The following RABL6 variants were observed in gnomAD, a reference collection of about 807,000 sequenced individuals.
The protein encoded by RABL6 is rab-like protein 6.
RABL6 carries 28 observed loss-of-function variants against 72.9 expected under a neutral mutation model. That is an observed-to-expected ratio of 0.38 (90% CI 0.28 to 0.53). The LOEUF (loss-of-function observed/expected upper bound fraction) is 0.53, where lower values mean the gene tolerates loss of function less well. Ranked by LOEUF, RABL6 falls within the 20% of genes least tolerant of loss-of-function variation. The pLI is 0.80. For missense variants in RABL6, 1,029 were observed against 1,008.4 expected (o/e 1.02, Z -0.28); for synonymous variants, 477 against 421.2 (o/e 1.13, Z -1.62).
chr9:136,826,686 C>T lies in RABL6; in HGVS notation c.313+860C>T, dbSNP rs1247597418. 6.6e-6 allele frequency: 1 copy of T among 152,322 alleles called. No individual in the cohort carries two copies. The highest frequency in any genetic ancestry group is 1.9e-4 in the East Asian group (1 of 5,160). 9.4% of individuals were successfully genotyped at this position (152,322 alleles called of 1,614,324 possible). A position where few individuals can be genotyped will look rare whatever the true frequency, so the allele number is the denominator to read the frequency against. On this transcript the variant is annotated intron_variant, in intron 3 of 14. Coordinates refer to ENST00000311502, the MANE Select transcript of RABL6 (RefSeq NM_024718.5). This position sits in a 1 kb window ranked among gnomAD's most constrained non-coding sequence, Gnocchi z 4.9. ...GCTGACCTGGTGTTCCAGATGCTGT[C>T]TCTGCAGAGCTCTGCGTGGTCTCTG...
In RABL6 at chr9:136,811,345, C is replaced by T. The variant is rs184485162; in HGVS notation, c.130+3019C>T. ...AAAAATTGTGTTTTTTTGCCGGGCG[C>T]GGTGGCTCACGCCTGTAATCTCAGC... On this transcript the variant is annotated intron_variant, in intron 1 of 14. Coordinates refer to ENST00000311502, the MANE Select transcript of RABL6 (RefSeq NM_024718.5). Among the ~76,000 whole-genome samples, 100 of 152,144 alleles carry T rather than the reference C, an allele frequency of 6.6e-4. No individual in the cohort carries two copies. In the East Asian group the frequency reaches 0.014, roughly 22 times the overall value.
chr9:136,836,167 T>C (rs1848581655), intron 8 of RABL6: 3 of 295,650 alleles, frequency 1.0e-5, no homozygotes, highest in Non-Finnish European at 1.9e-5. Flanking sequence ...CCCAGATTGA[T>C]GCCAGCATGG....
intron 10 of RABL6, among the ~76,000 whole-genome samples, chr9:136,838,341 G>A (rs1041942192): frequency 2.0e-5 from 3 of 152,200 alleles, no homozygotes; most frequent in African/African-American, 7.2e-5. Flanking sequence ...CACCAGATGT[G>A]GTCTCCACAG....
intron 1 of RABL6, 140 bp downstream of exon 1, chr9:136,808,466 G>A (rs1454471163): frequency 2.1e-6 from 2 of 948,030 alleles, no homozygotes; most frequent in Admixed American, 9.2e-5. Context: ...CGCTCCGGGA[G>A]CGGGGGCGCG....
rs1197409184 is a variant in RABL6, at chr9:136,837,448, A to G, written c.912A>G (p.Ala304=). ...GCTCCCAGTCACCAGTGGTGCCTGC[A>G]GGCGCTGTGTCCACGGGGAGCTCCA... ...SPGSQSPVVP[A]GAVSTGSSSP... The change falls in exon 9 of 15, where the codon GCA becomes GCG. Residue 304 remains alanine, a synonymous_variant. Transcript: ENST00000311502. 1 of 1,569,032 alleles carries G rather than the reference A, an allele frequency of 6.4e-7. No individual in the cohort carries two copies.
chr9:136,828,371 T>C (rs919878322), intron 3 of RABL6, 123 bp from the exon 4 acceptor site: 8 of 927,010 alleles, frequency 8.6e-6, no homozygotes, highest in Non-Finnish European at 1.4e-5. Flanking sequence ...GCAGGCTGTT[T>C]GGGGTGGTGG....
chr9:136,808,342 C>T lies in RABL6; in HGVS notation c.130+16C>T. The stretch of plus-strand genomic sequence containing the variant: ...CAGTACAACAGTGAGTGCGGCGGGC[C>T]GGGGGGGCGCGGGAGCGCCGCGCGG... On this transcript the variant is annotated intron_variant, in intron 1 of 14. Transcript: ENST00000311502. 1 of 1,493,030 alleles carries T rather than the reference C, an allele frequency of 6.7e-7. No homozygotes were observed. The highest frequency in any genetic ancestry group is 8.9e-7 in the Non-Finnish European group (1 of 1,122,222). The allele number at this position is 1,493,030 out of a possible 1,614,324, so 92.5% of individuals were successfully genotyped here. A position where few individuals can be genotyped will look rare whatever the true frequency, so the allele number is the denominator to read the frequency against.
chr9:136,837,207 A>T, intron 8 of RABL6, 139 bp from the exon 9 acceptor site: 1 of 978,288 alleles, frequency 1.0e-6, no homozygotes. Flanking sequence ...GATGGGGATG[A>T]TGGCCTCTGT....
chr9:136,834,008 C>T (rs1449074206), intron 7 of RABL6: 1 of 1,492,456 alleles, frequency 6.7e-7, no homozygotes, highest in East Asian at 2.5e-5. Flanking sequence ...GAGAACGGGA[C>T]CCTGGACAGA....
rs1848657350 is a variant in RABL6, at chr9:136,839,877, C to T, written c.1930+12C>T. 3.1e-6 allele frequency: 5 copies of T among 1,608,808 alleles called. No individual in the cohort carries two copies. The highest frequency in any genetic ancestry group is 2.7e-5 in the African/African-American group (2 of 75,000). On this transcript the variant is annotated intron_variant, in intron 13 of 14. Coordinates refer to ENST00000311502, the MANE Select transcript of RABL6 (RefSeq NM_024718.5). The stretch of plus-strand genomic sequence containing the variant: ...GAGCAGTGAGGAAGGTGGGTGGGGG[C>T]ACCAGAGTGCGGTCAGCCTGCTGGA...
rs749354825 is a variant in RABL6 at position 136,833,834 on chromosome 9, G to A, written c.705+1464G>A. The stretch of plus-strand genomic sequence containing the variant: ...GGGACGTTTGGGTTGGAAGGAAGGC[G>A]GCAGTCAGACTTGTCCTGTGCCGGC... On this transcript the variant is annotated intron_variant, in intron 7 of 14. Transcript: ENST00000311502. 35 of 1,550,414 alleles carry A rather than the reference G, an allele frequency of 2.3e-5. No individual in the cohort carries two copies. In the Middle Eastern group the frequency reaches 1.2e-3, roughly 52 times the overall value.
chr9:136,838,103 C>T, intron 10 of RABL6, 88 bp downstream of exon 10: 2 of 1,475,772 alleles, frequency 1.4e-6, no homozygotes, highest in Non-Finnish European at 1.8e-6. Flanking sequence ...TCTAGGGGCG[C>T]AGAAGGGGCC....
chr9:136,809,024 T>G (rs1020163015), intron 1 of RABL6: 1 of 152,244 alleles, frequency 6.6e-6, no homozygotes, highest in Admixed American at 6.5e-5. Flanking sequence ...CGACCTCTTA[T>G]GAGTTTTTCC....
At position 136,839,048 on chromosome 9, in the gene RABL6, G is replaced by A. The variant is rs1299612580; in HGVS notation, c.1420G>A (p.Glu474Lys). 1.9e-6 allele frequency: 3 copies of A among 1,612,550 alleles called. No individual in the cohort carries two copies. Among genetic ancestry groups the A allele is most frequent in the Admixed American group, 3.3e-5 (2 of 60,010 alleles). ...AGACATCACTCTTTCGAGTGAGGAGGAAGCAGAAGTGGCAGCTCCCACAAA... is the reference window on the plus strand; with the variant it reads ...AGACATCACTCTTTCGAGTGAGGAGAAAGCAGAAGTGGCAGCTCCCACAAA... ...SQDITLSSEE[E>K]AEVAAPTKGP... The change falls in exon 11 of 15, where the codon GAA becomes AAA. Residue 474 changes from glutamate to lysine, a missense_variant. Coordinates refer to ENST00000311502, the MANE Select transcript of RABL6 (RefSeq NM_024718.5).
At position 136,839,892 on chromosome 9, in the gene RABL6, A is replaced by G. The variant is rs183589777; in HGVS notation, c.1930+27A>G. ...TGGGTGGGGGCACCAGAGTGCGGTCAGCCTGCTGGAGTTTGGGTAGAACGT... is the reference window on the plus strand; with the variant it reads ...TGGGTGGGGGCACCAGAGTGCGGTCGGCCTGCTGGAGTTTGGGTAGAACGT... On this transcript the variant is annotated intron_variant, in intron 13 of 14. Coordinates refer to ENST00000311502, the MANE Select transcript of RABL6 (RefSeq NM_024718.5). 1.1e-3 allele frequency: 1,733 copies of G among 1,600,772 alleles called. 2 individuals carry two copies. Among genetic ancestry groups the G allele is most frequent in the Middle Eastern group, 3.6e-3 (21 of 5,866 alleles).
rs1588355819 is a variant in RABL6, at chr9:136,822,743, A to G, written c.131-782A>G. Among the ~76,000 whole-genome samples the G allele has an allele frequency of 2.0e-5, 3 of 152,300 alleles. No individual in the cohort carries two copies. The South Asian group carries it at 6.2e-4, about 32-fold the overall frequency. Reference sequence around the variant, plus strand: ...GCCCAGGCCCGGGGCTACCCGGCACACACGCGTTGTGCGTGAGCTGGGATG... The same window carrying G: ...GCCCAGGCCCGGGGCTACCCGGCACGCACGCGTTGTGCGTGAGCTGGGATG... On this transcript the variant is annotated intron_variant, in intron 1 of 14. Coordinates refer to ENST00000311502, the MANE Select transcript of RABL6 (RefSeq NM_024718.5).
chr9:136,837,468 G>A lies in RABL6; in HGVS notation c.932G>A (p.Ser311Asn), dbSNP rs764420790. The A allele has an allele frequency of 8.6e-5, 134 of 1,556,542 alleles. No individual in the cohort carries two copies. The East Asian group carries it at 3.0e-3, about 35-fold the overall frequency. Reference protein sequence around the residue: ...VVPAGAVSTGSSSPGTPQPAP... With the variant: ...VVPAGAVSTGNSSPGTPQPAP... The stretch of plus-strand genomic sequence containing the variant: ...CCTGCAGGCGCTGTGTCCACGGGGA[G>A]CTCCAGCCCCGGCACACCCCAGCCC... The change falls in exon 9 of 15, where the codon AGC becomes AAC. Residue 311 changes from serine to asparagine, a missense_variant. Around this residue, in one of 2 missense-constraint regions of RABL6, gnomAD observed 434 missense variants for 536.1 expected, o/e 0.81. Transcript: ENST00000311502.
chr9:136,832,411 T>C (rs1240043351), intron 7 of RABL6, 41 bp downstream of exon 7: 1 of 1,473,008 alleles, frequency 6.8e-7, no homozygotes, highest in Admixed American at 1.7e-5. Context: ...TGCTGGTCTC[T>C]CACCTCCTTC....
intron 1 of RABL6, chr9:136,821,962 A>T (rs1324566679): frequency 8.5e-6 from 11 of 1,289,302 alleles, no homozygotes; most frequent in African/African-American, 1.5e-5. Flanking sequence ...GCGCCGAGAT[A>T]TGACCAGAGG....
Sources: gnomAD v4.1 joint callset for allele counts (sites outside exome capture counted in the v4.1 genomes callset) on GRCh38, gnomAD v4.1.1 for gene constraint, gnomAD v4.1.1 regional missense constraint, Gnocchi (gnomAD v3.1) non-coding constraint, MANE v1.5 for transcripts, NCBI Gene and HGNC (gene_info 2026-07-23, HGNC 2026-07-21) for gene names.